CABLES1: variants seen among roughly 807,000 people sequenced by gnomAD.
The protein encoded by CABLES1 is CDK5 and ABL1 enzyme substrate 1.
CABLES1 carries 36 observed loss-of-function variants against 57.8 expected under a neutral mutation model. The ratio of observed to expected loss-of-function variants is 0.62; its 90% confidence interval spans 0.48 to 0.82. The LOEUF (loss-of-function observed/expected upper bound fraction) is 0.82, where lower values mean the gene tolerates loss of function less well. Among genes scored for constraint, CABLES1 ranks in the 40% least tolerant of loss-of-function variants. The probability of loss-of-function intolerance (pLI) is 0.00; values close to 1 mark genes in which losing one functional copy is unlikely to be tolerated. For synonymous variants in CABLES1, 374 were observed against 363.0 expected (o/e 1.03, Z -0.35); for missense variants, 767 against 836.6 (o/e 0.92, Z 1.03).
At chr18:23,219,990 G>T (rs1411424692) in intron 4 of CABLES1, among the ~76,000 whole-genome samples, 1 of 152,150 alleles carries the variant, frequency 6.6e-6, no homozygotes, top group Non-Finnish European at 1.5e-5. Context: ...GGGCCGCGAG[G>T]CTAGGGGCTT....
chr18:23,149,316 C>CTGTT (rs985208462), intron 1 of CABLES1, among the ~76,000 whole-genome samples: 9 of 151,950 alleles, frequency 5.9e-5, no homozygotes, highest in Non-Finnish European at 8.8e-5. Flanking sequence ...TGGAGTCTCG[C>CTGTT]TGTTGCCCAG....
At chr18:23,159,628 A>C (rs1439554149) in intron 1 of CABLES1, among the ~76,000 whole-genome samples, 1 of 152,232 alleles carries the variant, frequency 6.6e-6, no homozygotes, top group Non-Finnish European at 1.5e-5. Flanking sequence ...ACGGGACGAG[A>C]TACACTGCTA....
At chr18:23,218,284 ATCCTCACTTGCCCTGCCTCCCG>A (rs1220622571) in intron 4 of CABLES1, among the ~76,000 whole-genome samples, 22 of 147,452 alleles carry the variant, frequency 1.5e-4, no homozygotes, top group Middle Eastern at 3.6e-3. Context: ...TGCCTCCCGC[ATCCTCACTTGCCCTGCCTCCCG>A]CATCCTCACT....
intron 1 of CABLES1, 115 bp downstream of exon 1, chr18:23,136,722 C>T: frequency 1.5e-6 from 1 of 661,700 alleles, no homozygotes; most frequent in Non-Finnish European, 2.2e-6. Context: ...CGCGCCCTGC[C>T]GGATCCTGTG....
At chr18:23,140,827 C>A (rs2046853687) in intron 1 of CABLES1, among the ~76,000 whole-genome samples, 1 of 152,102 alleles carries the variant, frequency 6.6e-6, no homozygotes, top group Admixed American at 6.5e-5. Flanking sequence ...TACGGAAGAG[C>A]CTTAAGTCCT....
chr18:23,182,123 C>G (rs1042732502), intron 1 of CABLES1, among the ~76,000 whole-genome samples: 2 of 152,192 alleles, frequency 1.3e-5, no homozygotes, highest in Admixed American at 1.3e-4. Context: ...TTACCCAAGT[C>G]GTTTTCTGCT....
Position 23,136,252 on chromosome 18 carries a change from CG to C in CABLES1, c.495del (p.Phe166SerfsTer173). 1 of 1,317,732 alleles carries C rather than the reference CG, an allele frequency of 7.6e-7. No homozygotes were observed. Among genetic ancestry groups the C allele is most frequent in the Non-Finnish European group, 9.6e-7 (1 of 1,039,734 alleles). The allele number at this position is 1,317,732 out of a possible 1,614,324, so 81.6% of individuals were successfully genotyped here. A position where few individuals can be genotyped will look rare whatever the true frequency, so the allele number is the denominator to read the frequency against. On this transcript the variant is annotated frameshift_variant, in exon 1 of 10. Coordinates refer to ENST00000256925, the MANE Select transcript of CABLES1 (RefSeq NM_001100619.3). LOFTEE classifies it high-confidence loss of function. ...HATVSGPGVA[R>X]GFASPLGAGR... ...GACCGTGTCCGGCCCCGGGGTGGCG[CG>C]GGGGTTCGCGAGTCCCCTGGGCGCC...
intron 7 of CABLES1, among the ~76,000 whole-genome samples, chr18:23,248,164 A>G (rs1278727451): frequency 6.6e-6 from 1 of 152,186 alleles, no homozygotes; most frequent in African/African-American, 2.4e-5. Context: ...GGGGTCCTCT[A>G]AATAAAAATG....
chr18:23,178,002 C>A (rs544723094), intron 1 of CABLES1, among the ~76,000 whole-genome samples: 27 of 152,316 alleles, frequency 1.8e-4, no homozygotes, highest in African/African-American at 5.8e-4. Context: ...ACTCCTTGGA[C>A]TTAGATGCAT....
intron 7 of CABLES1, among the ~76,000 whole-genome samples, chr18:23,243,942 T>C (rs2047809456): frequency 6.6e-6 from 1 of 151,992 alleles, no homozygotes; most frequent in African/African-American, 2.4e-5. Context: ...CAGCATCTGC[T>C]CTCTATGTAT....
chr18:23,168,357 T>C (rs1435321305), intron 1 of CABLES1, among the ~76,000 whole-genome samples: 1 of 152,178 alleles, frequency 6.6e-6, no homozygotes, highest in African/African-American at 2.4e-5. Context: ...AACAAGCCAG[T>C]AACAGGACAA....
At chr18:23,223,322 G>A (rs1157294754) in intron 4 of CABLES1, among the ~76,000 whole-genome samples, 1 of 152,122 alleles carries the variant, frequency 6.6e-6, no homozygotes, top group African/African-American at 2.4e-5. Flanking sequence ...GCTCACACCT[G>A]TAATCCCAGC....
At chr18:23,164,053 T>C (rs1349482559) in intron 1 of CABLES1, among the ~76,000 whole-genome samples, 2 of 152,230 alleles carry the variant, frequency 1.3e-5, no homozygotes, top group Non-Finnish European at 2.9e-5. Flanking sequence ...TCCTAACTAC[T>C]GTGCCATGCT....
intron 3 of CABLES1, among the ~76,000 whole-genome samples, chr18:23,201,786 A>C (rs918492184): frequency 2.6e-5 from 4 of 152,250 alleles, no homozygotes; most frequent in Admixed American, 6.5e-5. Context: ...ATACATGTGC[A>C]CAGGTGAAAG....
chr18:23,175,673 T>C (rs2047118274), intron 1 of CABLES1, among the ~76,000 whole-genome samples: 1 of 152,156 alleles, frequency 6.6e-6, no homozygotes, highest in Non-Finnish European at 1.5e-5. Flanking sequence ...GGTCTCAAAC[T>C]CCTGAGCTCA....
chr18:23,173,408 G>A (rs2047097797), intron 1 of CABLES1, among the ~76,000 whole-genome samples: 1 of 152,318 alleles, frequency 6.6e-6, no homozygotes, highest in East Asian at 1.9e-4. Context: ...GGACATGTCT[G>A]AACCTCTCCA....
intron 3 of CABLES1, among the ~76,000 whole-genome samples, chr18:23,200,913 A>G (rs564539578): frequency 6.6e-6 from 1 of 152,344 alleles, no homozygotes; most frequent in East Asian, 1.9e-4. Flanking sequence ...TTTGAATAGA[A>G]TAGCATGTGG....
At chr18:23,155,903 A>G (rs376196197) in intron 1 of CABLES1, 43 of 1,614,014 alleles carry the variant, frequency 2.7e-5, no homozygotes, top group Non-Finnish European at 3.6e-5. Flanking sequence ...CCTTCCTTGA[A>G]TGCTTTCTAA....
chr18:23,188,725 C>A, intron 1 of CABLES1, 113 bp from the exon 2 acceptor site: 2 of 784,050 alleles, frequency 2.6e-6, no homozygotes, highest in Non-Finnish European at 4.5e-6. Context: ...TTTGTCTGAT[C>A]TTTTCTTAAC....
Sources: allele counts gnomAD v4.1 joint callset (sites outside exome capture counted in the v4.1 genomes callset), GRCh38; gene constraint gnomAD v4.1.1; transcripts MANE v1.5; gene names NCBI Gene and HGNC (gene_info 2026-07-23, HGNC 2026-07-21).